The following TRAK1 variants were observed in gnomAD, a reference collection of about 807,000 sequenced individuals.
TRAK1 encodes trafficking kinesin-binding protein 1.
Under a neutral mutation model 92.1 loss-of-function variants are expected in TRAK1, and 33 were observed. The ratio of observed to expected loss-of-function variants is 0.36; its 90% CI spans 0.27 to 0.48. The LOEUF is 0.48. Ranked by LOEUF, TRAK1 falls within the 20% of genes least tolerant of loss-of-function variation. The pLI is 0.99. For synonymous variants in TRAK1, 521 were observed against 517.3 expected, an observed-to-expected ratio of 1.01 and a Z score of -0.10; for missense variants, 1,123 against 1,257.9, an observed-to-expected ratio of 0.89 and a Z score of 1.62.
At chr3:42,094,978 G>C (rs543078454) in intron 1 of TRAK1, among the ~76,000 whole-genome samples, 2 of 152,218 alleles carry the variant, frequency 1.3e-5, no homozygotes, top group Non-Finnish European at 2.9e-5. Context: ...CAGCTGACTG[G>C]ATGAGGTCCA....
chr3:42,224,514 A>T lies in TRAK1; in HGVS notation c.*777A>T, dbSNP rs1373120690. 1.2e-5 allele frequency: 2 copies of T among 167,102 alleles called. No individual in the cohort carries two copies. Among genetic ancestry groups the T allele is most frequent in the African/African-American group, 4.8e-5 (2 of 41,470 alleles). The allele number at this position is 167,102 out of a possible 1,614,324, so 10.4% of individuals were successfully genotyped here. A position where few individuals can be genotyped will look rare whatever the true frequency, so the allele number is the denominator to read the frequency against. On this transcript the variant is annotated 3_prime_UTR_variant, in exon 16 of 16. Transcript: ENST00000327628. ...TATTTTTCCTTTTTTTTACATATAT[A>T]TGCAGGGAAGTAATGGTACTGGTAG...
At chr3:42,068,571 C>G (rs1703779376) in intron 1 of TRAK1, among the ~76,000 whole-genome samples, 1 of 152,152 alleles carries the variant, frequency 6.6e-6, no homozygotes. Flanking sequence ...TTACCGTGTT[C>G]CAGGCACTGA....
intron 1 of TRAK1, among the ~76,000 whole-genome samples, chr3:42,098,486 G>A (rs961551842): frequency 6.6e-6 from 1 of 152,202 alleles, no homozygotes; most frequent in South Asian, 2.1e-4. Flanking sequence ...TGGGAAGGAA[G>A]AGGTGAGGAT....
At chr3:42,098,072 C>T (rs1232465173) in intron 1 of TRAK1, among the ~76,000 whole-genome samples, 1 of 151,812 alleles carries the variant, frequency 6.6e-6, no homozygotes, top group Non-Finnish European at 1.5e-5. Context: ...TACCCACTTT[C>T]TGTCTGTTTC....
chr3:42,200,883 C>T lies in TRAK1; in HGVS notation c.1256C>T (p.Thr419Ile). ...INQVVKQRSLTPSPMNIPGSN... is the reference protein window; with the variant it reads ...INQVVKQRSLIPSPMNIPGSN... ...CAGGTTGTCAAGCAGAGATCTCTGACCCCTTCTCCCATGAACATCCCCGGC... is the reference window on the plus strand; with the variant it reads ...CAGGTTGTCAAGCAGAGATCTCTGATCCCTTCTCCCATGAACATCCCCGGC... The change falls in exon 12 of 16, where the codon ACC becomes ATC. Residue 419 changes from threonine (T) to isoleucine (I), a missense_variant. Around this residue, in one of 3 missense-constraint regions of TRAK1, gnomAD observed 686 missense variants for 747.6 expected, o/e 0.92. Coordinates refer to ENST00000327628, the MANE Select transcript of TRAK1 (RefSeq NM_001042646.3). 6.2e-7 allele frequency: 1 copy of T among 1,614,168 alleles called. No homozygotes were observed. Among genetic ancestry groups the T allele is most frequent in the Non-Finnish European group, 8.5e-7 (1 of 1,180,032 alleles).
chr3:42,067,800 GTAGT>G (rs56774136), intron 1 of TRAK1, among the ~76,000 whole-genome samples: 94,063 of 151,240 alleles, frequency 0.62, 30,107 homozygotes, highest in South Asian at 0.81. Context: ...GGCCTATCAC[GTAGT>G]TAGTTTTTTT....
rs1576420320 is a variant in TRAK1 at position 42,113,138 on chromosome 3, T to C, written c.92-12282T>C. ...GCTTATGCCTGTGATCCCAGCACTT[T>C]GGGAGGCTGAGGTGGGCGGATCAGT... On this transcript the variant is annotated intron_variant, in intron 1 of 15. Transcript: ENST00000327628. Among the ~76,000 whole-genome samples, 5 of 152,240 alleles carry C rather than the reference T, an allele frequency of 3.3e-5. 1 individual carries two copies. The South Asian group carries it at 1.0e-3, about 32-fold the overall frequency.
chr3:42,093,659 T>TCCCTTCCCTTCCCTCCCCTC (rs1705443537), intron 1 of TRAK1, among the ~76,000 whole-genome samples: 1 of 32,566 alleles, frequency 3.1e-5, no homozygotes, highest in Non-Finnish European at 6.5e-5. Flanking sequence ...CCCCTTCCCT[T>TCCCTTCCCTTCCCTCCCCTC]CCCTTCCCTC....
At chr3:42,136,505 T>G (rs1036997135) in intron 2 of TRAK1, among the ~76,000 whole-genome samples, 22 of 151,958 alleles carry the variant, frequency 1.4e-4, no homozygotes, top group Admixed American at 2.6e-4. Flanking sequence ...ATACCTGTAG[T>G]CCTAGCTACT....
intron 1 of TRAK1, among the ~76,000 whole-genome samples, chr3:42,067,651 A>G (rs886428817): frequency 1.2e-4 from 19 of 152,102 alleles, no homozygotes; most frequent in African/African-American, 3.1e-4. Flanking sequence ...AGTTGACGGC[A>G]ATGTGATCCT....
At chr3:42,062,982 G>A (rs1300312014) in intron 1 of TRAK1, among the ~76,000 whole-genome samples, 1 of 152,186 alleles carries the variant, frequency 6.6e-6, no homozygotes, top group Non-Finnish European at 1.5e-5. Context: ...GAGATATGGA[G>A]GACGTGCTTC....
chr3:42,095,268 C>T (rs1186562052), intron 1 of TRAK1, among the ~76,000 whole-genome samples: 1 of 152,158 alleles, frequency 6.6e-6, no homozygotes, highest in Non-Finnish European at 1.5e-5. Context: ...ACTGTTACCA[C>T]CTTCACGTTT....
chr3:42,079,436 C>G (rs1394948909), intron 1 of TRAK1, among the ~76,000 whole-genome samples: 1 of 150,280 alleles, frequency 6.7e-6, no homozygotes, highest in Non-Finnish European at 1.5e-5. Flanking sequence ...CTCATTTTCT[C>G]CTTACAATCT....
chr3:42,197,641 C>G (rs561052737), intron 10 of TRAK1, among the ~76,000 whole-genome samples: 90 of 152,340 alleles, frequency 5.9e-4, no homozygotes, highest in African/African-American at 2.1e-3. Flanking sequence ...AGATGTCAGA[C>G]TCACCTAGGG....
chr3:42,062,978 T>C (rs1041685359), intron 1 of TRAK1, among the ~76,000 whole-genome samples: 4 of 152,210 alleles, frequency 2.6e-5, no homozygotes, highest in South Asian at 2.1e-4. Flanking sequence ...TTTTGAGATA[T>C]GGAGGACGTG....
At chr3:42,077,671 G>T (rs1228336369) in intron 1 of TRAK1, among the ~76,000 whole-genome samples, 1 of 152,148 alleles carries the variant, frequency 6.6e-6, no homozygotes, top group Non-Finnish European at 1.5e-5. Flanking sequence ...CACCTCCCTG[G>T]TTAGCTGTAT....
intron 10 of TRAK1, among the ~76,000 whole-genome samples, chr3:42,196,173 A>G (rs1197395430): frequency 6.6e-6 from 1 of 152,262 alleles, no homozygotes; most frequent in African/African-American, 2.4e-5. Flanking sequence ...GGCACAGCCC[A>G]GTTTTTGAAG....
chr3:42,147,952 A>G (rs1439935316), intron 2 of TRAK1, among the ~76,000 whole-genome samples: 1 of 152,118 alleles, frequency 6.6e-6, no homozygotes, highest in Non-Finnish European at 1.5e-5. Context: ...TCTATATAAG[A>G]TGTGTGTGTC....
chr3:42,151,480 T>A, intron 2 of TRAK1: 1 of 409,960 alleles, frequency 2.4e-6, no homozygotes, highest in Admixed American at 3.0e-5. Context: ...ATTGTCTGAA[T>A]GTATGTTGAG....
Sources: gnomAD v4.1 joint callset for allele counts (sites outside exome capture counted in the v4.1 genomes callset) on GRCh38, gnomAD v4.1.1 for gene constraint, gnomAD v4.1.1 regional missense constraint, MANE v1.5 for transcripts, NCBI Gene and HGNC (gene_info 2026-07-23, HGNC 2026-07-21) for gene names.